AP3B2: variants seen among roughly 807,000 people sequenced by gnomAD.
The protein encoded by AP3B2 is adaptor related protein complex 3 subunit beta 2.
Under a neutral mutation model 126.9 loss-of-function variants are expected in AP3B2, and 50 were observed. The ratio of observed to expected loss-of-function variants is 0.39; its 90% CI spans 0.31 to 0.50. AP3B2 has a LOEUF of 0.50. Ranked by LOEUF, AP3B2 falls within the 20% of genes least tolerant of loss-of-function variation. AP3B2 has a pLI of 0.79. For missense variants in AP3B2, 1,177 were observed against 1,426.4 expected, an observed-to-expected ratio of 0.83 and a Z score of 2.82; for synonymous variants, 541 against 565.0, an observed-to-expected ratio of 0.96 and a Z score of 0.60.
intron 1 of AP3B2, among the ~76,000 whole-genome samples, chr15:82,709,351 G>A (rs1348068892): frequency 1.3e-5 from 2 of 152,050 alleles, no homozygotes; most frequent in South Asian, 2.1e-4. Context: ...AACTGAGCTG[G>A]CCCATCCCCC....
At chr15:82,687,834 G>A (rs960145191) in intron 4 of AP3B2, 2 of 152,542 alleles carry the variant, frequency 1.3e-5, no homozygotes, top group African/African-American at 4.8e-5. Context: ...CAGGCTAGGA[G>A]TATTAGCTCA....
At chr15:82,679,557 T>C (rs780653491) in intron 10 of AP3B2, among the ~76,000 whole-genome samples, 172 bp downstream of exon 10, 1 of 152,214 alleles carries the variant, frequency 6.6e-6, no homozygotes, top group African/African-American at 2.4e-5. Flanking sequence ...CTTCTCCCCC[T>C]GACCCTCCTT....
intron 3 of AP3B2, 78 bp from the exon 4 acceptor site, chr15:82,688,909 C>T: frequency 7.4e-7 from 1 of 1,352,986 alleles, no homozygotes; most frequent in South Asian, 1.3e-5. Flanking sequence ...GGGATGTCAT[C>T]TCCCCAGCCA....
At chr15:82,678,384 G>A (rs1486890780) in intron 10 of AP3B2, among the ~76,000 whole-genome samples, 1 of 152,186 alleles carries the variant, frequency 6.6e-6, no homozygotes, top group African/African-American at 2.4e-5. Flanking sequence ...TATGCTTACA[G>A]TATGACCATG....
At chr15:82,700,397 C>CT (rs1226910164) in intron 1 of AP3B2, among the ~76,000 whole-genome samples, 1,107 of 35,090 alleles carry the variant, frequency 0.032, 276 homozygotes, top group African/African-American at 0.074. Flanking sequence ...TGGTGGGTGG[C>CT]TTTTTTTTTT....
Position 82,664,219 on chromosome 15 carries a change from C to T in AP3B2, c.2261+148G>A, listed in dbSNP as rs934601604. On this transcript the variant is annotated intron_variant, in intron 19 of 26. Coordinates refer to ENST00000535359, the MANE Select transcript of AP3B2 (RefSeq NM_001278512.2). This position sits in a 1 kb window ranked among gnomAD's most constrained non-coding sequence, Gnocchi z 4.5. ...GGCCTCAGAGATCTCCTGCAGCCAGCGAAAGTAGGCGTCATGTGAGCTGAC... is the reference window on the plus strand; with the variant it reads ...GGCCTCAGAGATCTCCTGCAGCCAGTGAAAGTAGGCGTCATGTGAGCTGAC... 1.0e-5 allele frequency: 14 copies of T among 1,354,142 alleles called. 1 individual carries two copies. Among genetic ancestry groups the T allele is most frequent in the Middle Eastern group, 5.3e-4 (2 of 3,808 alleles). 83.9% of individuals were successfully genotyped at this position (1,354,142 alleles called of 1,614,324 possible).
In AP3B2 at chr15:82,709,650, C is replaced by T. The variant is rs747840839; in HGVS notation, c.57G>A (p.Glu19=). ...EDKGGSAGPG[E]PEYGHDPASG... ...TCGCGGGGTCGTGGCCGTACTCGGGCTCCCCGGGGCCAGCGGAGCCGCCCT... is the reference window on the plus strand; with the variant it reads ...TCGCGGGGTCGTGGCCGTACTCGGGTTCCCCGGGGCCAGCGGAGCCGCCCT... The change falls in exon 1 of 27, where the codon GAG becomes GAA. Residue 19 remains glutamate, a synonymous_variant. Transcript: ENST00000535359. 5.3e-6 allele frequency: 8 copies of T among 1,519,758 alleles called. No homozygotes were observed. The East Asian group carries it at 2.1e-4, about 41-fold the overall frequency. The allele number at this position is 1,519,758 out of a possible 1,614,324, so 94.1% of individuals were successfully genotyped here.
chr15:82,696,527 G>A (rs527901013), intron 1 of AP3B2, among the ~76,000 whole-genome samples: 1 of 152,104 alleles, frequency 6.6e-6, no homozygotes, highest in Non-Finnish European at 1.5e-5. Context: ...GCAGTGAGCC[G>A]AGATCGCGCC....
chr15:82,702,600 AC>A (rs1415770350), intron 1 of AP3B2, among the ~76,000 whole-genome samples: 1 of 149,206 alleles, frequency 6.7e-6, no homozygotes, highest in Non-Finnish European at 1.5e-5. Context: ...ACCAAGGAAC[AC>A]CCCCCTTTGA....
At chr15:82,674,477 T>C (rs1265626502) in intron 14 of AP3B2, among the ~76,000 whole-genome samples, 1 of 152,242 alleles carries the variant, frequency 6.6e-6, no homozygotes, top group Non-Finnish European at 1.5e-5. Flanking sequence ...CTGGGTTCCC[T>C]GACAGGGGTC....
chr15:82,682,666 A>C (rs1360525547), intron 4 of AP3B2, among the ~76,000 whole-genome samples: 2 of 152,098 alleles, frequency 1.3e-5, no homozygotes, highest in East Asian at 1.9e-4. Flanking sequence ...GAAGTGAGCT[A>C]CATATGTTCA....
At chr15:82,690,881 C>T (rs2048519271) in intron 1 of AP3B2, among the ~76,000 whole-genome samples, 1 of 152,046 alleles carries the variant, frequency 6.6e-6, no homozygotes, top group African/African-American at 2.4e-5. Flanking sequence ...TGGTCTCGAT[C>T]TCCTGACCTC....
Position 82,665,037 on chromosome 15 carries a change from A to T in AP3B2, c.2029-94T>A. ...TTACCCTTTATTCCACCTCTTTGTG[A>T]GGCCCTACCTGGTCTGTCCCACAAA... On this transcript the variant is annotated intron_variant, in intron 17 of 26. Coordinates refer to ENST00000535359, the MANE Select transcript of AP3B2 (RefSeq NM_001278512.2). The surrounding 1 kb of genome is among the most constrained non-coding windows in gnomAD (Gnocchi z 4.4). 1 of 1,103,894 alleles carries T rather than the reference A, an allele frequency of 9.1e-7. No individual in the cohort carries two copies. The highest frequency in any genetic ancestry group is 1.4e-5 in the South Asian group (1 of 72,120). The allele number at this position is 1,103,894 out of a possible 1,614,324, so 68.4% of individuals were successfully genotyped here.
At chr15:82,662,019 A>C in intron 24 of AP3B2, 97 bp from the exon 25 acceptor site, 1 of 1,354,116 alleles carries the variant, frequency 7.4e-7, no homozygotes, top group Non-Finnish European at 1.0e-6. Context: ...GCAGTGAAAG[A>C]GTGAGGTCAG....
In AP3B2 at chr15:82,689,100, C is replaced by T. The variant is rs946800916; in HGVS notation, c.264+58G>A. On this transcript the variant is annotated intron_variant, in intron 3 of 26. Transcript: ENST00000535359. ...AAATCATTTCCTTCCTCACCCCAAG[C>T]TTGAGTGTGGTCCTGGGGGAGGTGG... 6.9e-6 allele frequency: 11 copies of T among 1,585,422 alleles called. No individual in the cohort carries two copies. The Admixed American group carries it at 1.0e-4, about 14-fold the overall frequency.
At chr15:82,708,148 T>A (rs915806457) in intron 1 of AP3B2, among the ~76,000 whole-genome samples, 1 of 152,166 alleles carries the variant, frequency 6.6e-6, no homozygotes, top group African/African-American at 2.4e-5. Context: ...GATGACATTA[T>A]CTTGTGAAAT....
At position 82,680,379 on chromosome 15, in the gene AP3B2, G is replaced by A. The variant is rs570330793; in HGVS notation, c.1055+93C>T. 3.0e-4 allele frequency: 439 copies of A among 1,461,902 alleles called. 1 individual carries two copies. The African/African-American group carries it at 5.4e-3, about 18-fold the overall frequency. 90.6% of individuals were successfully genotyped at this position (1,461,902 alleles called of 1,614,324 possible). ...AGTGTGGAGCGGGTGGGCAGAGGTG[G>A]AAGCGGCTGGTGGGCGTGAGGGGGC... On this transcript the variant is annotated intron_variant, in intron 8 of 26. Transcript: ENST00000535359. This position sits in a 1 kb window ranked among gnomAD's most constrained non-coding sequence, Gnocchi z 6.1.
chr15:82,660,320 A>C (rs1327978680), intron 25 of AP3B2, among the ~76,000 whole-genome samples: 5 of 152,046 alleles, frequency 3.3e-5, no homozygotes, highest in Non-Finnish European at 5.9e-5. Flanking sequence ...CCTGAACCTC[A>C]CACCCTTTGA....
At position 82,692,123 on chromosome 15, in the gene AP3B2, G is replaced by A. The variant is rs2048545782; in HGVS notation, c.114-2670C>T. ...CACCCACCCCGACTTCGTAAGTCCTGGAGAACTCCACACGAAGCCGACACT... is the reference window on the plus strand; with the variant it reads ...CACCCACCCCGACTTCGTAAGTCCTAGAGAACTCCACACGAAGCCGACACT... On this transcript the variant is annotated intron_variant, in intron 1 of 26. Coordinates refer to ENST00000535359, the MANE Select transcript of AP3B2 (RefSeq NM_001278512.2). 21 of 1,493,494 alleles carry A rather than the reference G, an allele frequency of 1.4e-5. No homozygotes were observed. In the East Asian group the frequency reaches 4.6e-4, roughly 33 times the overall value. The allele number at this position is 1,493,494 out of a possible 1,614,324, so 92.5% of individuals were successfully genotyped here. A position where few individuals can be genotyped will look rare whatever the true frequency, so the allele number is the denominator to read the frequency against.
Sources: allele counts gnomAD v4.1 joint callset (sites outside exome capture counted in the v4.1 genomes callset), GRCh38; gene constraint gnomAD v4.1.1; non-coding constraint Gnocchi (gnomAD v3.1); transcripts MANE v1.5; gene names NCBI Gene and HGNC (gene_info 2026-07-23, HGNC 2026-07-21).